Variants in DCC observed in about 807,000 individuals in gnomAD.
The protein encoded by DCC is DCC netrin 1 receptor, also known as netrin receptor DCC.
A neutral mutation model predicts 172.5 loss-of-function variants in DCC; 58 were observed. The ratio of observed to expected loss-of-function variants is 0.34; its 90% CI spans 0.27 to 0.42. The LOEUF is 0.42. DCC is among the 10% of genes least tolerant of loss of function. The pLI is 1.00. For synonymous variants in DCC, 709 were observed against 644.5 expected (o/e 1.10, Z -1.52); for missense variants, 1,740 against 1,791.0 (o/e 0.97, Z 0.51).
At chr18:53,001,251 A>G (rs1291319248) in intron 5 of DCC, among the ~76,000 whole-genome samples, 1 of 152,104 alleles carries the variant, frequency 6.6e-6, no homozygotes, top group Non-Finnish European at 1.5e-5. Flanking sequence ...AATAATGTTC[A>G]ATAGCGCCTT....
chr18:52,361,132 C>T (rs1245730266), intron 1 of DCC, among the ~76,000 whole-genome samples: 1 of 152,168 alleles, frequency 6.6e-6, no homozygotes, highest in Non-Finnish European at 1.5e-5. Flanking sequence ...CTTTAATATA[C>T]ATTTCTATCC....
At chr18:53,325,029 C>G (rs1166178052) in intron 14 of DCC, among the ~76,000 whole-genome samples, 1 of 151,772 alleles carries the variant, frequency 6.6e-6, no homozygotes, top group Non-Finnish European at 1.5e-5. Context: ...CCCGTCTCTA[C>G]TAAAAATACA....
At chr18:53,509,789 A>T (rs2046228124) in intron 27 of DCC, among the ~76,000 whole-genome samples, 1 of 152,070 alleles carries the variant, frequency 6.6e-6, no homozygotes, top group Non-Finnish European at 1.5e-5. Context: ...TGTGGAACAT[A>T]AACCAATGTC....
Position 53,374,383 on chromosome 18 carries a change from T to C in DCC, c.2360-11660T>C, listed in dbSNP as rs137938202. On this transcript the variant is annotated intron_variant, in intron 15 of 28. Transcript: ENST00000442544. ...AAAAGCAGAAGCAACAGTGCACAAA[T>C]AGATGACATCCAAGATTTTAAATAA... Among the ~76,000 whole-genome samples the C allele has an allele frequency of 7.9e-4, 121 of 152,256 alleles. 1 individual carries two copies. The highest frequency in any genetic ancestry group is 2.8e-3 in the African/African-American group (115 of 41,556).
intron 12 of DCC, among the ~76,000 whole-genome samples, chr18:53,290,396 A>G (rs1332793892): frequency 6.6e-6 from 1 of 152,226 alleles, no homozygotes; most frequent in Non-Finnish European, 1.5e-5. Flanking sequence ...CAATTAAAAT[A>G]TTTAGTCTCA....
chr18:53,530,655 A>G lies in DCC; in HGVS notation c.*2A>G, dbSNP rs770386054. The G allele has an allele frequency of 6.5e-6, 10 of 1,540,546 alleles. No individual in the cohort carries two copies. The highest frequency in any genetic ancestry group is 3.3e-5 in the South Asian group (3 of 89,636). On this transcript the variant is annotated 3_prime_UTR_variant, in exon 29 of 29. Coordinates refer to ENST00000442544, the MANE Select transcript of DCC (RefSeq NM_005215.4). Reference sequence around the variant, plus strand: ...GCCATCACAGGCTCAGCCTTTTAACATGTATTTCTGAATGGATGAGGTGAA... The same window carrying G: ...GCCATCACAGGCTCAGCCTTTTAACGTGTATTTCTGAATGGATGAGGTGAA...
intron 1 of DCC, among the ~76,000 whole-genome samples, chr18:52,722,801 C>T (rs2036493485): frequency 6.6e-6 from 1 of 152,164 alleles, no homozygotes; most frequent in African/African-American, 2.4e-5. Flanking sequence ...CTGTACTTCC[C>T]TTTCTTACTG....
intron 15 of DCC, among the ~76,000 whole-genome samples, chr18:53,345,101 G>A (rs2057708299): frequency 6.6e-6 from 1 of 151,422 alleles, no homozygotes; most frequent in Admixed American, 6.6e-5. Context: ...AACTTTATTT[G>A]TGGACCCAAG....
At chr18:53,104,373 C>T (rs566974553) in intron 7 of DCC, among the ~76,000 whole-genome samples, 9 of 152,082 alleles carry the variant, frequency 5.9e-5, no homozygotes, top group African/African-American at 1.9e-4. Context: ...ATAAGTCTCA[C>T]AAGATCTGAT....
chr18:53,164,782 G>T (rs913018625), intron 8 of DCC, among the ~76,000 whole-genome samples: 8 of 152,216 alleles, frequency 5.3e-5, no homozygotes, highest in African/African-American at 1.7e-4. Flanking sequence ...TGAAATACAA[G>T]GGTGTTTCTT....
chr18:52,455,906 T>C (rs1988443207), intron 1 of DCC, among the ~76,000 whole-genome samples: 1 of 152,162 alleles, frequency 6.6e-6, no homozygotes, highest in Non-Finnish European at 1.5e-5. Context: ...TACTTCCGTA[T>C]GTAAGTTAAA....
chr18:52,700,313 C>T (rs750086080), intron 1 of DCC, among the ~76,000 whole-genome samples: 3 of 145,294 alleles, frequency 2.1e-5, no homozygotes, highest in African/African-American at 5.2e-5. Flanking sequence ...CACATGCACA[C>T]ATGCACACTC....
intron 5 of DCC, among the ~76,000 whole-genome samples, chr18:53,021,616 A>C (rs1296878823): frequency 1.3e-5 from 2 of 152,076 alleles, no homozygotes; most frequent in Non-Finnish European, 2.9e-5. Context: ...GAAGAAAAGG[A>C]TAAATTGTAC....
chr18:53,332,335 T>C (rs1383214155), intron 14 of DCC, among the ~76,000 whole-genome samples: 1 of 152,078 alleles, frequency 6.6e-6, no homozygotes, highest in Non-Finnish European at 1.5e-5. Context: ...TTAAGATAAA[T>C]AGAAAACACA....
At chr18:53,065,663 C>T (rs1292738706) in intron 6 of DCC, among the ~76,000 whole-genome samples, 1 of 152,032 alleles carries the variant, frequency 6.6e-6, no homozygotes, top group Non-Finnish European at 1.5e-5. Context: ...TTTTCCTGAG[C>T]AGCTACTAAA....
At chr18:53,300,962 A>ATTTCTTTCTTTCTTTCTTTCTTTCTTTCT (rs2057128362) in intron 12 of DCC, among the ~76,000 whole-genome samples, 1 of 120,194 alleles carries the variant, frequency 8.3e-6, no homozygotes, top group Non-Finnish European at 1.9e-5. Context: ...TTCTGGATTC[A>ATTTCTTTCTTTCTTTCTTTCTTTCTTTCT]TTCTTTCTTT....
intron 1 of DCC, among the ~76,000 whole-genome samples, chr18:52,452,867 G>A (rs1374760448): frequency 2.6e-5 from 4 of 152,158 alleles, no homozygotes; most frequent in Non-Finnish European, 5.9e-5. Flanking sequence ...CTTATAAAAC[G>A]TTAGTACAAC....
intron 12 of DCC, among the ~76,000 whole-genome samples, chr18:53,272,824 CT>C (rs1269556799): frequency 1.3e-5 from 2 of 152,002 alleles, no homozygotes; most frequent in African/African-American, 4.8e-5. Flanking sequence ...TTGTGTTATC[CT>C]TTGATTGTTT....
intron 1 of DCC, among the ~76,000 whole-genome samples, chr18:52,449,253 G>A (rs1988225319): frequency 6.6e-6 from 1 of 152,214 alleles, no homozygotes. Context: ...CACAACATGT[G>A]AGAATTCAAG....
Sources: allele counts gnomAD v4.1 joint callset (sites outside exome capture counted in the v4.1 genomes callset), GRCh38; gene constraint gnomAD v4.1.1; transcripts MANE v1.5; gene names NCBI Gene and HGNC (gene_info 2026-07-23, HGNC 2026-07-21).